The following PIEZO2 variants were observed in gnomAD, a reference collection of about 807,000 sequenced individuals.
PIEZO2 encodes piezo type mechanosensitive ion channel component 2.
Under a neutral mutation model 337.3 loss-of-function variants are expected in PIEZO2, and 172 were observed. The ratio of observed to expected loss-of-function variants is 0.51; its 90% CI spans 0.45 to 0.58. PIEZO2 has a LOEUF of 0.58. Ranked by LOEUF, PIEZO2 falls within the 20% of genes least tolerant of loss-of-function variation. The pLI is 0.00. For synonymous variants in PIEZO2, 1,251 were observed against 1,228.5 expected (o/e 1.02, Z -0.38); for missense variants, 3,028 against 3,391.3 (o/e 0.89, Z 2.66).
chr18:10,713,111 C>G lies in PIEZO2; in HGVS notation c.5423+1653G>C, dbSNP rs1200423570. On this transcript the variant is annotated intron_variant, in intron 39 of 55. Coordinates refer to ENST00000674853, the MANE Select transcript of PIEZO2 (RefSeq NM_001378183.1). This position sits in a 1 kb window ranked among gnomAD's most constrained non-coding sequence, Gnocchi z 4.5. ...GCACGAATATTACTTCTAAATCAAT[C>G]TAGGCATGAATATATATATTTTAAA... Among the ~76,000 whole-genome samples the G allele has an allele frequency of 6.6e-6, 1 of 152,132 alleles. No homozygotes were observed. The highest frequency in any genetic ancestry group is 1.5e-5 in the Non-Finnish European group (1 of 68,024).
chr18:10,778,725 T>C (rs2038877256), intron 18 of PIEZO2, among the ~76,000 whole-genome samples: 1 of 152,212 alleles, frequency 6.6e-6, no homozygotes, highest in Non-Finnish European at 1.5e-5. Context: ...TTTGGTCATT[T>C]GGGGTGACTT....
At chr18:11,046,828 A>G (rs965493871) in intron 2 of PIEZO2, among the ~76,000 whole-genome samples, 2 of 152,340 alleles carry the variant, frequency 1.3e-5, no homozygotes, top group South Asian at 2.1e-4. Flanking sequence ...CAGCCAGGCT[A>G]TAGAGAAGCC....
rs534803366 is a variant in PIEZO2, at chr18:10,872,640, C to T, written c.330-1225G>A. 6.6e-6 allele frequency among the ~76,000 whole-genome samples: 1 copy of T among 152,226 alleles called. No individual in the cohort carries two copies. The highest frequency in any genetic ancestry group is 1.5e-5 in the Non-Finnish European group (1 of 68,046). On this transcript the variant is annotated intron_variant, in intron 4 of 55. Transcript: ENST00000674853. The surrounding 1 kb of genome is among the most constrained non-coding windows in gnomAD (Gnocchi z 4.3). ...GCCTGCCCTGTGTGCCTTTGCAACA[C>T]TGAGCAACTGGGCTTGCAGTGCTCT...
At chr18:10,948,810 T>C (rs1042363068) in intron 3 of PIEZO2, among the ~76,000 whole-genome samples, 3 of 152,236 alleles carry the variant, frequency 2.0e-5, no homozygotes, top group African/African-American at 7.2e-5. Context: ...GATTTTATAA[T>C]GTGTGTATGT....
intron 2 of PIEZO2, among the ~76,000 whole-genome samples, chr18:11,041,116 G>A (rs964932743): frequency 2.0e-5 from 3 of 152,134 alleles, no homozygotes; most frequent in African/African-American, 7.2e-5. Context: ...GAGAAAAGAC[G>A]AATTCTAAAA....
At position 10,705,703 on chromosome 18, in the gene PIEZO2, T is replaced by C; in HGVS notation, c.5632A>G (p.Thr1878Ala). Residue 1878 changes from threonine (T) to alanine (A), a missense_variant, in exon 41 of 56, where the codon ACT becomes GCT. Thr to Ala is a moderately conservative substitution (Grantham distance 58). This residue lies in a region of PIEZO2 where 1,925 missense variants were observed against 2,051.9 expected (regional missense o/e 0.94). Coordinates refer to ENST00000674853, the MANE Select transcript of PIEZO2 (RefSeq NM_001378183.1). ...CTMLYSRQGT[T>A]ETIEEVEAEQ... ...GCCTCCACCTCCTCGATGGTCTCAGTGGTCCCCTGGCGTGAGTACAGCATG... is the reference window on the plus strand; with the variant it reads ...GCCTCCACCTCCTCGATGGTCTCAGCGGTCCCCTGGCGTGAGTACAGCATG... 2.6e-6 allele frequency: 4 copies of C among 1,536,542 alleles called. No homozygotes were observed. Among genetic ancestry groups the C allele is most frequent in the Non-Finnish European group, 3.5e-6 (4 of 1,146,700 alleles).
chr18:10,923,689 T>C (rs1273539131), intron 3 of PIEZO2, among the ~76,000 whole-genome samples: 1 of 152,256 alleles, frequency 6.6e-6, no homozygotes, highest in Admixed American at 6.5e-5. Flanking sequence ...TGCTATTGCA[T>C]ATACTTTGAG....
chr18:10,711,239 G>T (rs1046785960), intron 39 of PIEZO2, among the ~76,000 whole-genome samples: 10 of 151,946 alleles, frequency 6.6e-5, no homozygotes, highest in Non-Finnish European at 1.3e-4. Context: ...TTCTTCATGG[G>T]GCATACTGTT....
At chr18:11,136,037 C>A (rs2146260431) in intron 1 of PIEZO2, among the ~76,000 whole-genome samples, 1 of 152,250 alleles carries the variant, frequency 6.6e-6, no homozygotes, top group East Asian at 1.9e-4. Context: ...ATAATTTGCT[C>A]AAAAAATTTT....
At position 10,955,410 on chromosome 18, in the gene PIEZO2, T is replaced by C. The variant is rs8084929; in HGVS notation, c.286+24125A>G. Reference sequence around the variant, plus strand: ...TGTTTTCTTTCTTGGTTACCTGTTATCTGAAGATTCTGAGGTGAGAGGTGT... The same window carrying C: ...TGTTTTCTTTCTTGGTTACCTGTTACCTGAAGATTCTGAGGTGAGAGGTGT... On this transcript the variant is annotated intron_variant, in intron 3 of 55. Transcript: ENST00000674853. Among the ~76,000 whole-genome samples the C allele has an allele frequency of 4.9e-3, 752 of 152,344 alleles. 8 individuals are homozygous for C. Among genetic ancestry groups the C allele is most frequent in the African/African-American group, 0.015 (637 of 41,584 alleles).
At chr18:10,810,475 T>A (rs973839663) in intron 7 of PIEZO2, among the ~76,000 whole-genome samples, 1 of 152,178 alleles carries the variant, frequency 6.6e-6, no homozygotes, top group Non-Finnish European at 1.5e-5. Flanking sequence ...CAGAGTTTCC[T>A]TGGGGAAGCT....
In PIEZO2 at chr18:10,697,797, C is replaced by T. The variant is rs756090264; in HGVS notation, c.6778G>A (p.Glu2260Lys). 5 of 1,614,202 alleles carry T rather than the reference C, an allele frequency of 3.1e-6. No homozygotes were observed. In the South Asian group the frequency reaches 5.5e-5, roughly 18 times the overall value. The part of the protein sequence containing the change: ...KQKGKRELYM[E>K]KLQEHLIKAK... ...TTGATTAAATGTTCTTGAAGCTTTT[C>T]CATATAAAGTTCCCTTTTGCCTTTT... Residue 2260 changes from glutamate (E) to lysine (K), a missense_variant, in exon 45 of 56, where the codon GAA (glutamate) becomes AAA (lysine). Around this residue, in one of 5 missense-constraint regions of PIEZO2, gnomAD observed 1,925 missense variants for 2,051.9 expected, o/e 0.94. Transcript: ENST00000674853.
rs962264322 is a variant in PIEZO2 at position 10,962,378 on chromosome 18, C to T, written c.286+17157G>A. ...GCCTCATACTCACAACTGGCATTTT[C>T]CTTCCACACTTTCTCAATTGTCCCT... On this transcript the variant is annotated intron_variant, in intron 3 of 55. Coordinates refer to ENST00000674853, the MANE Select transcript of PIEZO2 (RefSeq NM_001378183.1). The surrounding 1 kb of genome is among the most constrained non-coding windows in gnomAD (Gnocchi z 4.1). 3.9e-5 allele frequency among the ~76,000 whole-genome samples: 6 copies of T among 152,172 alleles called. No individual in the cohort carries two copies. Among genetic ancestry groups the T allele is most frequent in the Non-Finnish European group, 8.8e-5 (6 of 68,036 alleles).
chr18:10,689,595 A>G, intron 49 of PIEZO2, 60 bp downstream of exon 49: 8 of 1,609,332 alleles, frequency 5.0e-6, no homozygotes, highest in South Asian at 1.1e-5. Flanking sequence ...CATTCATCTT[A>G]TAACCAGCCT....
At chr18:10,688,247 A>G (rs12971043) in intron 49 of PIEZO2, among the ~76,000 whole-genome samples, 44,079 of 151,920 alleles carry the variant, frequency 0.29, 6,913 homozygotes, top group Non-Finnish European at 0.36. Flanking sequence ...ATGAGTGAGA[A>G]CATGCGGTGT....
chr18:11,084,118 A>T (rs2038839145), intron 1 of PIEZO2, among the ~76,000 whole-genome samples: 1 of 144,926 alleles, frequency 6.9e-6, no homozygotes, highest in South Asian at 2.3e-4. Flanking sequence ...TGGAGGCTGC[A>T]GTGAGCCAAG....
intron 1 of PIEZO2, among the ~76,000 whole-genome samples, chr18:11,135,657 C>T (rs1420738326): frequency 6.6e-6 from 1 of 152,160 alleles, no homozygotes; most frequent in Non-Finnish European, 1.5e-5. Flanking sequence ...AAGCAATACT[C>T]ATGCCTCAGT....
At position 10,689,891 on chromosome 18, in the gene PIEZO2, C is replaced by T. The variant is rs1598358559; in HGVS notation, c.7350-89G>A. ...AGGAGCTCAAGCAGTTCCTTAACTG[C>T]TTTAACCTCATGACTCAGAAACAAT... is the stretch of plus-strand genomic sequence containing the variant. On this transcript the variant is annotated intron_variant, in intron 48 of 55. Coordinates refer to ENST00000674853, the MANE Select transcript of PIEZO2 (RefSeq NM_001378183.1). 7 of 1,457,118 alleles carry T rather than the reference C, an allele frequency of 4.8e-6. 1 individual carries two copies. The Admixed American group carries it at 1.7e-4, about 35-fold the overall frequency. The allele number at this position is 1,457,118 out of a possible 1,614,324, so 90.3% of individuals were successfully genotyped here. A position where few individuals can be genotyped will look rare whatever the true frequency, so the allele number is the denominator to read the frequency against.
chr18:10,757,495 GTAGGAGAGA>G (rs1598438696), intron 27 of PIEZO2, among the ~76,000 whole-genome samples: 1 of 35,362 alleles, frequency 2.8e-5, no homozygotes, highest in East Asian at 1.3e-3. Context: ...TGGAGGATGA[GTAGGAGAGA>G]CAGAAGATGA....
Sources: allele counts gnomAD v4.1 joint callset (sites outside exome capture counted in the v4.1 genomes callset), GRCh38; gene constraint gnomAD v4.1.1; regional missense constraint gnomAD v4.1.1; non-coding constraint Gnocchi (gnomAD v3.1); transcripts MANE v1.5; gene names NCBI Gene and HGNC (gene_info 2026-07-23, HGNC 2026-07-21).